The following HIBCH variants were observed in gnomAD, a reference collection of about 807,000 sequenced individuals.
The protein encoded by HIBCH is 3-hydroxyisobutyryl-CoA hydrolase, also known as 3-hydroxyisobutyryl-CoA hydrolase, mitochondrial.
A neutral mutation model predicts 58.2 loss-of-function variants in HIBCH; 50 were observed. The observed-to-expected ratio is 0.86, with a 90% CI of 0.68 to 1.09. HIBCH has a LOEUF of 1.09. HIBCH is among the 50% of genes least tolerant of loss of function. HIBCH has a pLI of 0.00. For missense variants in HIBCH, 450 were observed against 449.7 expected (o/e 1.00, Z -0.01); for synonymous variants, 151 against 146.9 (o/e 1.03, Z -0.20).
At chr2:190,302,951 C>T (rs184369850) in intron 2 of HIBCH, among the ~76,000 whole-genome samples, 505 of 152,224 alleles carry the variant, frequency 3.3e-3, no homozygotes, top group African/African-American at 0.011. Context: ...TTCATGGTAG[C>T]AAGGAGCAGG....
intron 11 of HIBCH, among the ~76,000 whole-genome samples, chr2:190,239,090 T>C (rs921571196): frequency 6.6e-6 from 1 of 152,244 alleles, no homozygotes; most frequent in Non-Finnish European, 1.5e-5. Context: ...AGGGTTTTTA[T>C]GGTTTTAGGT....
At chr2:190,278,597 A>T (rs1276574987) in intron 6 of HIBCH, among the ~76,000 whole-genome samples, 1 of 145,798 alleles carries the variant, frequency 6.9e-6, no homozygotes, top group Non-Finnish European at 1.5e-5. Flanking sequence ...AAGTCACAGG[A>T]GACACAACCA....
intron 12 of HIBCH, 84 bp from the exon 13 acceptor site, chr2:190,208,997 C>T: frequency 8.3e-7 from 1 of 1,202,804 alleles, no homozygotes; most frequent in Non-Finnish European, 1.2e-6. Flanking sequence ...TTCACTTCAG[C>T]CTTCCACTCC....
Position 190,271,742 on chromosome 2 carries a change from C to T in HIBCH, c.439-10508G>A, listed in dbSNP as rs180932784. Among the ~76,000 whole-genome samples the T allele has an allele frequency of 2.4e-4, 37 of 152,268 alleles. No homozygotes were observed. The East Asian group carries it at 5.8e-3, about 24-fold the overall frequency. On this transcript the variant is annotated intron_variant, in intron 6 of 13. Coordinates refer to ENST00000359678, the MANE Select transcript of HIBCH (RefSeq NM_014362.4). ...AAATCTGTTCTAGTCATTGCCCCTGCTAAAAAGCACTTAATTAGCTCTCCA... is the reference window on the plus strand; with the variant it reads ...AAATCTGTTCTAGTCATTGCCCCTGTTAAAAAGCACTTAATTAGCTCTCCA...
chr2:190,212,324 CA>C (rs1172657554), intron 12 of HIBCH, among the ~76,000 whole-genome samples: 2 of 152,076 alleles, frequency 1.3e-5, no homozygotes, highest in African/African-American at 2.4e-5. Context: ...GCTATTAAGC[CA>C]AATAGTCCCT....
At chr2:190,255,599 G>T (rs1361995623) in intron 7 of HIBCH, among the ~76,000 whole-genome samples, 1 of 152,158 alleles carries the variant, frequency 6.6e-6, no homozygotes, top group Non-Finnish European at 1.5e-5. Flanking sequence ...AAGAAAAGTG[G>T]TCTCTGAATA....
intron 11 of HIBCH, among the ~76,000 whole-genome samples, chr2:190,225,321 G>A (rs1011879125): frequency 1.3e-5 from 2 of 152,136 alleles, no homozygotes; most frequent in African/African-American, 2.4e-5. Context: ...AAATATCAAT[G>A]AATCCAGGAC....
chr2:190,251,397 A>C (rs1686762578), intron 8 of HIBCH: 2 of 301,170 alleles, frequency 6.6e-6, no homozygotes, highest in Admixed American at 9.2e-5. Context: ...ACGGTTCAGG[A>C]ATAAGATAAG....
In HIBCH at chr2:190,205,283, C is replaced by T. The variant is rs11885254; in HGVS notation, c.1046-51G>A. On this transcript the variant is annotated intron_variant, in intron 13 of 13. Transcript: ENST00000359678. ...ATACCATTATTTTTGTCTAATATTGCTAGATTTTACTTACTGAATTGACAG... is the reference window on the plus strand; with the variant it reads ...ATACCATTATTTTTGTCTAATATTGTTAGATTTTACTTACTGAATTGACAG... 1.7e-4 allele frequency: 169 copies of T among 978,922 alleles called. No homozygotes were observed. In the African/African-American group the frequency reaches 2.3e-3, roughly 13 times the overall value. 60.6% of individuals were successfully genotyped at this position (978,922 alleles called of 1,614,324 possible). A position where few individuals can be genotyped will look rare whatever the true frequency, so the allele number is the denominator to read the frequency against.
rs147936734 is a variant in HIBCH at position 190,192,452 on chromosome 2, CTGTGTGTGTG to C, written c.*18-2465_*18-2456del. 1.8e-3 allele frequency among the ~76,000 whole-genome samples: 263 copies of C among 145,356 alleles called. 1 individual carries two copies. The highest frequency in any genetic ancestry group is 4.3e-3 in the East Asian group (21 of 4,934). The stretch of plus-strand genomic sequence containing the variant: ...TGTGTTTCCATGTATAATTCAGAAT[CTGTGTGTGTG>C]TGTGTGTGTGTGTGTGTGTGTGTGT... On this transcript the variant is annotated intron_variant, in intron 1 of 1. Transcript: ENST00000399855.
chr2:190,229,278 G>C (rs1249093709), intron 11 of HIBCH, among the ~76,000 whole-genome samples: 1 of 152,172 alleles, frequency 6.6e-6, no homozygotes, highest in Non-Finnish European at 1.5e-5. Context: ...TAAGTACAGA[G>C]TAGAGACAAT....
chr2:190,301,704 T>C (rs887866322), intron 2 of HIBCH, among the ~76,000 whole-genome samples: 1 of 152,200 alleles, frequency 6.6e-6, no homozygotes, highest in Non-Finnish European at 1.5e-5. Flanking sequence ...AATTTATTTC[T>C]AACAGTTATA....
intron 7 of HIBCH, among the ~76,000 whole-genome samples, chr2:190,256,576 C>T (rs761845396): frequency 6.6e-6 from 1 of 151,188 alleles, no homozygotes; most frequent in African/African-American, 2.5e-5. Flanking sequence ...CAGCACCCGA[C>T]AAAGTAAAGT....
At position 190,217,433 on chromosome 2, in the gene HIBCH, G is replaced by A. The variant is rs1212791078; in HGVS notation, c.892-4358C>T. Among the ~76,000 whole-genome samples, 1 of 152,080 alleles carries A rather than the reference G, an allele frequency of 6.6e-6. No individual in the cohort carries two copies. Among genetic ancestry groups the A allele is most frequent in the East Asian group, 1.9e-4 (1 of 5,174 alleles). ...CAGGAGATGGAGGTTGCAGTGAGTT[G>A]AGATCACACACTGCACTCCAGCCTG... On this transcript the variant is annotated intron_variant, in intron 11 of 13. Transcript: ENST00000359678. This position sits in a 1 kb window ranked among gnomAD's most constrained non-coding sequence, Gnocchi z 4.6.
chr2:190,307,784 G>C (rs1379990306), intron 2 of HIBCH, among the ~76,000 whole-genome samples: 1 of 152,170 alleles, frequency 6.6e-6, no homozygotes, highest in African/African-American at 2.4e-5. Flanking sequence ...TAGAAATGAG[G>C]CCTCACTGAC....
intron 11 of HIBCH, 28 bp from the exon 12 acceptor site, chr2:190,213,103 T>C: frequency 6.6e-7 from 1 of 1,511,392 alleles, no homozygotes; most frequent in Non-Finnish European, 9.2e-7. Context: ...TTACTACTGT[T>C]AGTCCAATAG....
chr2:190,283,996 G>C (rs1575748092), intron 6 of HIBCH, among the ~76,000 whole-genome samples: 1 of 152,342 alleles, frequency 6.6e-6, no homozygotes, highest in Non-Finnish European at 1.5e-5. Context: ...TGTTCAAACA[G>C]ACTGCTAGGC....
intron 13 of HIBCH, among the ~76,000 whole-genome samples, chr2:190,205,877 A>G (rs1575691137): frequency 6.6e-6 from 1 of 152,142 alleles, no homozygotes; most frequent in Admixed American, 6.5e-5. Flanking sequence ...CCGAAAAAAA[A>G]GGGGGAGGAA....
rs1559010090 is a variant in HIBCH at position 190,206,753 on chromosome 2, T to C, written c.1046-1521A>G. 6.6e-6 allele frequency among the ~76,000 whole-genome samples: 1 copy of C among 152,228 alleles called. No homozygotes were observed. The highest frequency in any genetic ancestry group is 1.5e-5 in the Non-Finnish European group (1 of 68,038). Reference sequence around the variant, plus strand: ...GCAAACTGCAGCAAACATTTGACTATGTAAAGAACACAACAGTTTTCAATC... The same window carrying C: ...GCAAACTGCAGCAAACATTTGACTACGTAAAGAACACAACAGTTTTCAATC... On this transcript the variant is annotated intron_variant, in intron 13 of 13. Coordinates refer to ENST00000359678, the MANE Select transcript of HIBCH (RefSeq NM_014362.4). The surrounding 1 kb of genome is among the most constrained non-coding windows in gnomAD (Gnocchi z 5.1).
Sources: allele counts gnomAD v4.1 joint callset (sites outside exome capture counted in the v4.1 genomes callset), GRCh38; gene constraint gnomAD v4.1.1; non-coding constraint Gnocchi (gnomAD v3.1); transcripts MANE v1.5; gene names NCBI Gene and HGNC (gene_info 2026-07-23, HGNC 2026-07-21).